Variants in GSK3B observed in about 807,000 individuals in gnomAD.
The protein encoded by GSK3B is glycogen synthase kinase-3 beta.
In GSK3B, 15 loss-of-function variants were observed where a neutral mutation model predicts 56.4. The observed-to-expected ratio is 0.27, with a 90% CI of 0.18 to 0.41. The LOEUF (loss-of-function observed/expected upper bound fraction) is 0.41, where lower values mean the gene tolerates loss of function less well. Among genes scored for constraint, GSK3B ranks in the 10% least tolerant of loss-of-function variants. The probability of loss-of-function intolerance (pLI) is 1.00; values close to 1 mark genes in which losing one functional copy is unlikely to be tolerated. For synonymous variants in GSK3B, 181 were observed against 188.9 expected (o/e 0.96, Z 0.34); for missense variants, 300 against 513.4 (o/e 0.58, Z 4.02).
intron 7 of GSK3B, among the ~76,000 whole-genome samples, chr3:119,897,925 C>A (rs2056585874): frequency 6.6e-6 from 1 of 151,820 alleles, no homozygotes; most frequent in African/African-American, 2.4e-5. Context: ...AATTAAAATC[C>A]AAAATATTTG....
intron 1 of GSK3B, among the ~76,000 whole-genome samples, chr3:120,048,400 G>A (rs1258644328): frequency 6.6e-6 from 1 of 152,200 alleles, no homozygotes; most frequent in Non-Finnish European, 1.5e-5. Flanking sequence ...CTCATACAAA[G>A]TCTAGCATAG....
intron 9 of GSK3B, among the ~76,000 whole-genome samples, chr3:119,859,570 C>G (rs752700638): frequency 7.2e-5 from 11 of 152,140 alleles, no homozygotes; most frequent in Non-Finnish European, 1.6e-4. Context: ...TACTCATTTT[C>G]AATTCCATGT....
intron 1 of GSK3B, among the ~76,000 whole-genome samples, chr3:120,010,774 A>G (rs554384311): frequency 4.6e-5 from 7 of 152,314 alleles, no homozygotes; most frequent in Non-Finnish European, 8.8e-5. Context: ...ATAAATAAAT[A>G]AATAAATAAA....
chr3:120,026,554 A>AAC (rs1185373599), intron 1 of GSK3B, among the ~76,000 whole-genome samples: 1 of 64,388 alleles, frequency 1.6e-5, no homozygotes, highest in African/African-American at 8.1e-5. Flanking sequence ...CACACACACA[A>AAC]ACACACACAC....
chr3:120,029,298 CT>C (rs1217030130), intron 1 of GSK3B: 3 of 742,652 alleles, frequency 4.0e-6, no homozygotes, highest in African/African-American at 3.4e-5. Flanking sequence ...AGTACCTTCT[CT>C]GCAGCGGACA....
chr3:119,931,619 AC>A (rs2056946705), intron 3 of GSK3B, among the ~76,000 whole-genome samples: 1 of 152,202 alleles, frequency 6.6e-6, no homozygotes, highest in African/African-American at 2.4e-5. Context: ...TCTCAAAAAA[AC>A]AAAACAAAAC....
chr3:119,965,609 AT>A (rs2057311963), intron 2 of GSK3B, among the ~76,000 whole-genome samples: 1 of 152,214 alleles, frequency 6.6e-6, no homozygotes, highest in Admixed American at 6.5e-5. Context: ...GAATTCTTTG[AT>A]TTTTGTACCA....
chr3:119,914,431 T>C (rs1291920337), intron 5 of GSK3B, among the ~76,000 whole-genome samples: 1 of 152,076 alleles, frequency 6.6e-6, no homozygotes, highest in Non-Finnish European at 1.5e-5. Context: ...ACCAAGTGTT[T>C]TGACACTATA....
intron 1 of GSK3B, among the ~76,000 whole-genome samples, chr3:120,074,644 C>A (rs2058354732): frequency 6.6e-6 from 1 of 151,904 alleles, no homozygotes; most frequent in South Asian, 2.1e-4. Context: ...CAATTACATG[C>A]CAACAAATGT....
chr3:120,064,948 AC>A (rs1056259949), intron 1 of GSK3B, among the ~76,000 whole-genome samples: 2 of 152,188 alleles, frequency 1.3e-5, no homozygotes, highest in Non-Finnish European at 2.9e-5. Flanking sequence ...CTAGACCCTT[AC>A]CTTACTCCAT....
rs1223718227 is a variant in GSK3B, at chr3:119,932,198, C to T, written c.367-8715G>A. 3.3e-5 allele frequency among the ~76,000 whole-genome samples: 5 copies of T among 152,118 alleles called. No homozygotes were observed. The East Asian group carries it at 5.8e-4, about 18-fold the overall frequency. Reference sequence around the variant, plus strand: ...TGCAATACAACATATTAGAGATCCCCGCAATAAGACATCAAATGCAGCATC... The same window carrying T: ...TGCAATACAACATATTAGAGATCCCTGCAATAAGACATCAAATGCAGCATC... On this transcript the variant is annotated intron_variant, in intron 3 of 10. Transcript: ENST00000264235.
At chr3:119,915,426 A>G (rs1304017673) in intron 5 of GSK3B, among the ~76,000 whole-genome samples, 1 of 152,172 alleles carries the variant, frequency 6.6e-6, no homozygotes, top group African/African-American at 2.4e-5. Flanking sequence ...CAATCAATGA[A>G]AAAGTGAGTT....
intron 8 of GSK3B, among the ~76,000 whole-genome samples, chr3:119,865,655 G>C (rs1394621044): frequency 6.6e-6 from 1 of 151,178 alleles, no homozygotes; most frequent in Non-Finnish European, 1.5e-5. Flanking sequence ...ATTTTTAGTA[G>C]AGATGGGGTT....
intron 2 of GSK3B, among the ~76,000 whole-genome samples, chr3:119,963,857 A>G (rs1343880380): frequency 6.6e-6 from 1 of 152,152 alleles, no homozygotes; most frequent in African/African-American, 2.4e-5. Context: ...CACCATACAC[A>G]AAAATTAACT....
At chr3:120,015,665 A>C (rs949097428) in intron 1 of GSK3B, among the ~76,000 whole-genome samples, 12 of 148,698 alleles carry the variant, frequency 8.1e-5, no homozygotes, top group South Asian at 2.1e-4. Flanking sequence ...AAAAAAAAAA[A>C]AAAAAAAAAA....
At chr3:120,050,958 G>A (rs2058143668) in intron 1 of GSK3B, among the ~76,000 whole-genome samples, 1 of 152,090 alleles carries the variant, frequency 6.6e-6, no homozygotes, top group South Asian at 2.1e-4. Flanking sequence ...GTGCTCTGCA[G>A]GCAAGACTGA....
intron 2 of GSK3B, among the ~76,000 whole-genome samples, chr3:119,982,269 A>G (rs1236351409): frequency 2.6e-5 from 4 of 152,234 alleles, no homozygotes; most frequent in Admixed American, 1.3e-4. Flanking sequence ...ACCAGAGCAG[A>G]AAAGCTGAAA....
At chr3:119,915,538 T>C (rs1367197770) in intron 5 of GSK3B, among the ~76,000 whole-genome samples, 1 of 152,048 alleles carries the variant, frequency 6.6e-6, no homozygotes, top group African/African-American at 2.4e-5. Flanking sequence ...TGTGTATATA[T>C]GTGTGTGTGT....
chr3:120,062,676 TC>T (rs977508946), intron 1 of GSK3B, among the ~76,000 whole-genome samples: 1 of 152,228 alleles, frequency 6.6e-6, no homozygotes, highest in Admixed American at 6.5e-5. Flanking sequence ...GTAGTCGCTG[TC>T]CTAGGTGCTA....
Sources: allele counts gnomAD v4.1 joint callset (sites outside exome capture counted in the v4.1 genomes callset), GRCh38; gene constraint gnomAD v4.1.1; transcripts MANE v1.5; gene names NCBI Gene and HGNC (gene_info 2026-07-23, HGNC 2026-07-21).